CDH18: variants seen among roughly 807,000 people sequenced by gnomAD.
CDH18 encodes the protein cadherin-18.
In CDH18, 31 loss-of-function variants were observed where a neutral mutation model predicts 67.9. That is an observed-to-expected ratio of 0.46 (90% confidence interval 0.34 to 0.62). The LOEUF (loss-of-function observed/expected upper bound fraction) is 0.62, where lower values mean the gene tolerates loss of function less well. Among genes scored for constraint, CDH18 ranks in the 20% least tolerant of loss-of-function variants. The pLI is 0.01. For synonymous variants in CDH18, 362 were observed against 347.2 expected, an observed-to-expected ratio of 1.04 and a Z score of -0.48; for missense variants, 890 against 975.5, an observed-to-expected ratio of 0.91 and a Z score of 1.17.
intron 2 of CDH18, among the ~76,000 whole-genome samples, chr5:19,914,298 C>A (rs1791504288): frequency 6.6e-6 from 1 of 152,052 alleles, no homozygotes; most frequent in Admixed American, 6.6e-5. Flanking sequence ...AATGTAAAAT[C>A]TCTGGGCCTA....
At chr5:20,320,831 G>A (rs990144511) in intron 1 of CDH18, among the ~76,000 whole-genome samples, 1 of 152,066 alleles carries the variant, frequency 6.6e-6, no homozygotes, top group Non-Finnish European at 1.5e-5. Flanking sequence ...AACAACCACG[G>A]CCACCCTTCA....
intron 2 of CDH18, among the ~76,000 whole-genome samples, chr5:19,940,634 C>T (rs1460276180): frequency 6.6e-6 from 1 of 151,956 alleles, no homozygotes; most frequent in African/African-American, 2.4e-5. Flanking sequence ...CACTTACTGG[C>T]CTTTGTGGAT....
chr5:19,791,044 C>T (rs537390901), intron 3 of CDH18, among the ~76,000 whole-genome samples: 1 of 151,990 alleles, frequency 6.6e-6, no homozygotes, highest in African/African-American at 2.4e-5. Context: ...TGGGAAGAGA[C>T]TTAGAGTCCA....
intron 5 of CDH18, among the ~76,000 whole-genome samples, chr5:19,622,516 T>G (rs887771339): frequency 1.3e-5 from 2 of 152,196 alleles, no homozygotes; most frequent in Non-Finnish European, 2.9e-5. Context: ...TCTCCTTAAA[T>G]TTGTGCTGGC....
At chr5:20,221,793 CA>C (rs1483012845) in intron 2 of CDH18, among the ~76,000 whole-genome samples, 1 of 152,004 alleles carries the variant, frequency 6.6e-6, no homozygotes, top group Non-Finnish European at 1.5e-5. Context: ...TAAATAACAA[CA>C]AAAATCAATA....
At chr5:19,722,418 G>A (rs756874286) in intron 4 of CDH18, among the ~76,000 whole-genome samples, 3 of 150,124 alleles carry the variant, frequency 2.0e-5, no homozygotes, top group Non-Finnish European at 4.4e-5. Context: ...ACATCGCACT[G>A]GATTTTTTAA....
chr5:19,797,901 G>T (rs1227203445), intron 3 of CDH18, among the ~76,000 whole-genome samples: 2 of 152,004 alleles, frequency 1.3e-5, no homozygotes, highest in Non-Finnish European at 2.9e-5. Flanking sequence ...AAAATCATAA[G>T]AATTACTCTT....
At chr5:19,850,557 G>A (rs2149921882) in intron 2 of CDH18, among the ~76,000 whole-genome samples, 1 of 151,750 alleles carries the variant, frequency 6.6e-6, no homozygotes, top group South Asian at 2.1e-4. Flanking sequence ...TTGCAAACTA[G>A]GATAAACTCT....
chr5:20,504,051 A>T (rs1754507881), intron 1 of CDH18, among the ~76,000 whole-genome samples: 1 of 149,480 alleles, frequency 6.7e-6, no homozygotes, highest in Non-Finnish European at 1.5e-5. Context: ...AAAAAAAAAA[A>T]GAGAGAGAGA....
At chr5:20,374,984 G>A (rs146832026) in intron 1 of CDH18, among the ~76,000 whole-genome samples, 3 of 151,966 alleles carry the variant, frequency 2.0e-5, no homozygotes, top group Non-Finnish European at 1.5e-5. Context: ...CTTGCAATGT[G>A]GCTTGTGAAA....
intron 7 of CDH18, among the ~76,000 whole-genome samples, chr5:19,578,372 G>C (rs1474357296): frequency 6.6e-6 from 1 of 152,092 alleles, no homozygotes; most frequent in Non-Finnish European, 1.5e-5. Context: ...TTCTTATTCA[G>C]AAATCAGTTT....
chr5:19,632,007 A>G (rs1580603748), intron 5 of CDH18, among the ~76,000 whole-genome samples: 2 of 152,128 alleles, frequency 1.3e-5, no homozygotes, highest in Admixed American at 1.3e-4. Context: ...TTCCTTACAT[A>G]ATTTTCCTCC....
intron 2 of CDH18, among the ~76,000 whole-genome samples, chr5:19,849,697 CACGCATATATATATAAACATATATATAT>C (rs1783457023): frequency 1.0e-4 from 2 of 19,520 alleles, no homozygotes; most frequent in South Asian, 2.3e-3. Context: ...TATATATATA[CACGCATATATATATAAACATATATATAT>C]ACACGCATAT....
chr5:20,318,076 G>A (rs182405251), intron 1 of CDH18, among the ~76,000 whole-genome samples: 2 of 152,218 alleles, frequency 1.3e-5, no homozygotes. Flanking sequence ...TGAGCATGGA[G>A]GTGCTATTAT....
At chr5:20,269,628 C>G (rs1745290287) in intron 1 of CDH18, among the ~76,000 whole-genome samples, 1 of 152,116 alleles carries the variant, frequency 6.6e-6, no homozygotes, top group Non-Finnish European at 1.5e-5. Context: ...AACAGAAAGA[C>G]AAATATTACA....
At chr5:20,398,840 CCT>C (rs1314675914) in intron 1 of CDH18, among the ~76,000 whole-genome samples, 3 of 149,606 alleles carry the variant, frequency 2.0e-5, no homozygotes, top group Non-Finnish European at 4.5e-5. Context: ...CACACGTATA[CCT>C]ACGTAGAAAA....
At chr5:19,583,472 T>C (rs1226554644) in intron 7 of CDH18, among the ~76,000 whole-genome samples, 1 of 152,248 alleles carries the variant, frequency 6.6e-6, no homozygotes, top group African/African-American at 2.4e-5. Flanking sequence ...GAAGACAGTA[T>C]ATACATTGTG....
chr5:19,967,854 G>A (rs1214892587), intron 2 of CDH18, among the ~76,000 whole-genome samples: 1 of 152,070 alleles, frequency 6.6e-6, no homozygotes, highest in Non-Finnish European at 1.5e-5. Flanking sequence ...AATTAGGCAG[G>A]AGAAGGAAAT....
chr5:20,018,326 T>G (rs1433761378), intron 2 of CDH18, among the ~76,000 whole-genome samples: 1 of 150,888 alleles, frequency 6.6e-6, no homozygotes, highest in East Asian at 1.9e-4. Context: ...ACAAATATAA[T>G]TATAAGTAAA....
Sources: allele counts gnomAD v4.1 joint callset (sites outside exome capture counted in the v4.1 genomes callset), GRCh38; gene constraint gnomAD v4.1.1; transcripts MANE v1.5; gene names NCBI Gene and HGNC (gene_info 2026-07-23, HGNC 2026-07-21).